The following WFDC1 variants were observed in gnomAD, a reference collection of about 807,000 sequenced individuals.
WFDC1 encodes the protein WAP four-disulfide core domain protein 1.
Under a neutral mutation model 32.9 loss-of-function variants are expected in WFDC1, and 39 were observed. That is an observed-to-expected ratio of 1.19 (90% CI 0.92 to 1.55). The LOEUF (loss-of-function observed/expected upper bound fraction) is 1.55. WFDC1 is among the 40% of genes most tolerant of loss of function. The probability of loss-of-function intolerance (pLI) is 0.00; values close to 1 mark genes in which losing one functional copy is unlikely to be tolerated. For missense variants in WFDC1, 386 were observed against 309.5 expected (o/e 1.25, Z -1.85); for synonymous variants, 184 against 137.4 (o/e 1.34, Z -2.37).
chr16:84,302,405 C>T (rs963472731), intron 1 of WFDC1, among the ~76,000 whole-genome samples: 4 of 152,090 alleles, frequency 2.6e-5, no homozygotes, highest in African/African-American at 9.7e-5. Flanking sequence ...TAAAAAGCAG[C>T]GAGAACCTGA....
intron 4 of WFDC1, among the ~76,000 whole-genome samples, chr16:84,321,565 A>G (rs1295008808): frequency 1.3e-5 from 2 of 152,202 alleles, no homozygotes; most frequent in Admixed American, 6.5e-5. Flanking sequence ...ATTCAGCCCT[A>G]TGATGTCTAA....
chr16:84,322,160 CGTGTGT>C (rs10687228), intron 4 of WFDC1, among the ~76,000 whole-genome samples: 15 of 142,284 alleles, frequency 1.1e-4, no homozygotes, highest in Admixed American at 8.5e-4. Flanking sequence ...TGTGTGTGTG[CGTGTGT>C]GTGTGTGTGT....
chr16:84,316,410 G>A (rs942631199), intron 2 of WFDC1: 2 of 151,246 alleles, frequency 1.3e-5, no homozygotes, highest in African/African-American at 2.4e-5. Flanking sequence ...GGAGTCAAAC[G>A]AATGCAGAGG....
chr16:84,298,419 C>A (rs886938603), intron 1 of WFDC1, among the ~76,000 whole-genome samples: 1 of 152,160 alleles, frequency 6.6e-6, no homozygotes, highest in Non-Finnish European at 1.5e-5. Context: ...GTTAGAAATG[C>A]ATCACTTTCC....
intron 1 of WFDC1, among the ~76,000 whole-genome samples, chr16:84,312,551 T>C (rs1194236381): frequency 2.0e-5 from 3 of 152,088 alleles, no homozygotes. Flanking sequence ...AATCCACACA[T>C]ATGTACATAT....
intron 1 of WFDC1, among the ~76,000 whole-genome samples, chr16:84,300,415 C>T (rs1222046601): frequency 6.6e-6 from 1 of 152,232 alleles, no homozygotes; most frequent in Non-Finnish European, 1.5e-5. Context: ...GGGCGCCTTC[C>T]CTTTCCTGCC....
At chr16:84,298,341 C>T (rs545565428) in intron 1 of WFDC1, among the ~76,000 whole-genome samples, 28 of 152,170 alleles carry the variant, frequency 1.8e-4, no homozygotes, top group East Asian at 7.7e-4. Flanking sequence ...GTGATCCGCC[C>T]GCCTCGGCCT....
At chr16:84,311,997 C>G (rs1413308816) in intron 1 of WFDC1, among the ~76,000 whole-genome samples, 1 of 151,978 alleles carries the variant, frequency 6.6e-6, no homozygotes, top group African/African-American at 2.4e-5. Flanking sequence ...GAAACCCTGT[C>G]TCTACTAAAA....
intron 1 of WFDC1, among the ~76,000 whole-genome samples, chr16:84,304,347 G>A (rs1907119935): frequency 6.6e-6 from 1 of 152,032 alleles, no homozygotes; most frequent in Admixed American, 6.5e-5. Context: ...TCCTGCCTCA[G>A]CCTCCTGAAT....
At chr16:84,312,276 C>G (rs1567657332) in intron 1 of WFDC1, among the ~76,000 whole-genome samples, 1 of 152,172 alleles carries the variant, frequency 6.6e-6, no homozygotes. Context: ...AGCCCCCAGA[C>G]CAAGAAACAG....
chr16:84,313,060 C>G lies in WFDC1; in HGVS notation c.244C>G (p.Arg82Gly). Reference protein sequence around the residue: ...TLPPGACQAARCQADSECPRH... With the variant: ...TLPPGACQAAGCQADSECPRH... ...GCCCCCCGGCGCCTGCCAGGCCGCG[C>G]GCTGTCAGGCGGACTCCGAGTGCCC... The change falls in exon 2 of 7, where the codon CGC becomes GGC. Residue 82 changes from arginine (R) to glycine (G), a missense_variant. Physicochemically the swap from Arg to Gly is moderately radical, Grantham distance 125. Transcript: ENST00000219454. The G allele has an allele frequency of 7.2e-7, 1 of 1,397,742 alleles. No homozygotes were observed. The highest frequency in any genetic ancestry group is 9.3e-7 in the Non-Finnish European group (1 of 1,077,796). The allele number at this position is 1,397,742 out of a possible 1,614,324, so 86.6% of individuals were successfully genotyped here. A position where few individuals can be genotyped will look rare whatever the true frequency, so the allele number is the denominator to read the frequency against.
At chr16:84,304,947 C>T (rs1907163279) in intron 1 of WFDC1, among the ~76,000 whole-genome samples, 1 of 152,210 alleles carries the variant, frequency 6.6e-6, no homozygotes, top group Non-Finnish European at 1.5e-5. Context: ...TGACAGGCAC[C>T]ATTGGGAAGC....
intron 1 of WFDC1, among the ~76,000 whole-genome samples, chr16:84,309,713 G>A (rs1907496899): frequency 6.6e-6 from 1 of 152,216 alleles, no homozygotes; most frequent in African/African-American, 2.4e-5. Context: ...CAACTCCAGA[G>A]GTTCCTTCCT....
Position 84,307,521 on chromosome 16 carries a change from G to C in WFDC1, c.145-5440G>C, listed in dbSNP as rs986418412. On this transcript the variant is annotated intron_variant, in intron 1 of 6. Transcript: ENST00000219454. ...AAATGACATTTGAATTTTCCTCTGA[G>C]ACGGCGGCACAGCTCAAATTGATCT... Among the ~76,000 whole-genome samples the C allele has an allele frequency of 2.0e-4, 30 of 152,234 alleles. 1 individual carries two copies. Among genetic ancestry groups the C allele is most frequent in the Middle Eastern group, 3.4e-3 (1 of 294 alleles).
Position 84,295,053 on chromosome 16 carries a change from G to A in WFDC1, c.82G>A (p.Ala28Thr), listed in dbSNP as rs114517313. The stretch of plus-strand genomic sequence containing the variant: ...GTGCCTCTTGCTACTTCTCCTCCAC[G>A]CCGGCTCTGCCAAGAATATCTGGAA... The part of the protein sequence containing the change: ...ALCLLLLLLH[A>T]GSAKNIWKRA... Residue 28 changes from alanine (A) to threonine (T), a missense_variant, in exon 1 of 7, where the codon GCC (alanine) becomes ACC (threonine). Ala to Thr is a moderately conservative substitution (Grantham distance 58). Transcript: ENST00000219454. 4.2e-5 allele frequency: 68 copies of A among 1,614,186 alleles called. No homozygotes were observed. In the African/African-American group the frequency reaches 6.3e-4, roughly 15 times the overall value.
At chr16:84,302,646 T>C (rs940940647) in intron 1 of WFDC1, among the ~76,000 whole-genome samples, 1 of 152,230 alleles carries the variant, frequency 6.6e-6, no homozygotes, top group Non-Finnish European at 1.5e-5. Context: ...CATTTAGCTC[T>C]GTTGTTGTTA....
intron 4 of WFDC1, among the ~76,000 whole-genome samples, chr16:84,320,415 T>A (rs1356955332): frequency 2.0e-5 from 3 of 152,250 alleles, no homozygotes; most frequent in African/African-American, 7.2e-5. Flanking sequence ...ATCCTTAACT[T>A]CCAGAACTTC....
intron 3 of WFDC1, chr16:84,319,222 G>A: frequency 1.7e-6 from 1 of 591,664 alleles, no homozygotes; most frequent in Non-Finnish European, 3.0e-6. Flanking sequence ...GCCTGTGTTT[G>A]TGTGCGTGTT....
At chr16:84,304,154 G>A (rs2151369107) in intron 1 of WFDC1, among the ~76,000 whole-genome samples, 2 of 152,318 alleles carry the variant, frequency 1.3e-5, no homozygotes, top group Middle Eastern at 3.4e-3. Flanking sequence ...CACTGCTGCA[G>A]CCCAAAATGG....
Sources: allele counts gnomAD v4.1 joint callset (sites outside exome capture counted in the v4.1 genomes callset), GRCh38; gene constraint gnomAD v4.1.1; transcripts MANE v1.5; gene names NCBI Gene and HGNC (gene_info 2026-07-23, HGNC 2026-07-21).